Variants in MAPKAP1 observed in about 807,000 individuals in gnomAD.
MAPKAP1 encodes target of rapamycin complex 2 subunit MAPKAP1.
MAPKAP1 carries 20 observed loss-of-function variants against 65.7 expected under a neutral mutation model. The ratio of observed to expected loss-of-function variants is 0.30; its 90% CI spans 0.21 to 0.44. The LOEUF is 0.44. Ranked by LOEUF, MAPKAP1 falls within the 20% of genes least tolerant of loss-of-function variation. The pLI, the probability that MAPKAP1 is intolerant of heterozygous loss-of-function variation, is 1.00. For missense variants in MAPKAP1, 423 were observed against 648.0 expected (o/e 0.65, Z 3.77); for synonymous variants, 222 against 244.3 (o/e 0.91, Z 0.85).
At chr9:125,675,582 C>T (rs1834620245) in intron 1 of MAPKAP1, among the ~76,000 whole-genome samples, 1 of 152,190 alleles carries the variant, frequency 6.6e-6, no homozygotes, top group Non-Finnish European at 1.5e-5. Flanking sequence ...TCCCTACCAG[C>T]TCTGATATGG....
chr9:125,547,770 T>C (rs1830470437), intron 6 of MAPKAP1, among the ~76,000 whole-genome samples: 1 of 152,226 alleles, frequency 6.6e-6, no homozygotes, highest in Admixed American at 6.5e-5. Flanking sequence ...GAGTAGCCTG[T>C]GGCCCAAGCA....
chr9:125,635,782 T>A (rs563055192), intron 4 of MAPKAP1, among the ~76,000 whole-genome samples: 9 of 152,224 alleles, frequency 5.9e-5, no homozygotes, highest in African/African-American at 1.9e-4. Flanking sequence ...TAAGTCTTTA[T>A]ACAGAAATTT....
chr9:125,596,471 A>C (rs1314670236), intron 4 of MAPKAP1: 1 of 754,692 alleles, frequency 1.3e-6, no homozygotes, highest in African/African-American at 1.7e-5. Flanking sequence ...TACAACAATC[A>C]GTCTTCAAAT....
At chr9:125,468,316 G>C (rs1853759855) in intron 9 of MAPKAP1, among the ~76,000 whole-genome samples, 1 of 152,218 alleles carries the variant, frequency 6.6e-6, no homozygotes, top group Non-Finnish European at 1.5e-5. Flanking sequence ...TGGTTTCCTG[G>C]GTGGGTGAGT....
Position 125,447,815 on chromosome 9 carries a change from C to T in MAPKAP1, c.1346-3217G>A, listed in dbSNP as rs980530320. ...GTTTCTTGGGAGGAGCTGACACCTC[C>T]GCAGTTTTGGAGGAGGGCAGGGAGT... On this transcript the variant is annotated intron_variant, in intron 10 of 11. Coordinates refer to ENST00000265960, the MANE Select transcript of MAPKAP1 (RefSeq NM_001006617.3). The surrounding 1 kb of genome is among the most constrained non-coding windows in gnomAD (Gnocchi z 4.5). Among the ~76,000 whole-genome samples, 3 of 152,144 alleles carry T rather than the reference C, an allele frequency of 2.0e-5. No individual in the cohort carries two copies. Among genetic ancestry groups the T allele is most frequent in the African/African-American group, 7.2e-5 (3 of 41,436 alleles).
intron 4 of MAPKAP1, among the ~76,000 whole-genome samples, chr9:125,616,200 C>G (rs118186791): frequency 0.026 from 3,943 of 152,252 alleles, 81 homozygotes; most frequent in South Asian, 0.058. Flanking sequence ...AATCAGACCT[C>G]TACCTCACTA....
intron 1 of MAPKAP1, among the ~76,000 whole-genome samples, chr9:125,685,778 A>G (rs1044699561): frequency 3.9e-5 from 6 of 152,210 alleles, no homozygotes; most frequent in African/African-American, 1.4e-4. Flanking sequence ...ATGGCATTCA[A>G]TAAGAGCTCA....
intron 1 of MAPKAP1, among the ~76,000 whole-genome samples, chr9:125,697,724 C>T (rs1324575536): frequency 6.6e-6 from 1 of 152,176 alleles, no homozygotes; most frequent in African/African-American, 2.4e-5. Context: ...GCTCAAAAGG[C>T]ATGCATAACT....
At position 125,447,743 on chromosome 9, in the gene MAPKAP1, C is replaced by G. The variant is rs1480640730; in HGVS notation, c.1346-3145G>C. 6.6e-6 allele frequency among the ~76,000 whole-genome samples: 1 copy of G among 151,932 alleles called. No homozygotes were observed. Among genetic ancestry groups the G allele is most frequent in the Non-Finnish European group, 1.5e-5 (1 of 68,028 alleles). ...ACGCAGGGAGCTGCCGTGGAGACAC[C>G]AAGGCAGAAGCACCTGGCCAGAGGT... is the stretch of plus-strand genomic sequence containing the variant. On this transcript the variant is annotated intron_variant, in intron 10 of 11. Transcript: ENST00000265960. This position sits in a 1 kb window ranked among gnomAD's most constrained non-coding sequence, Gnocchi z 4.5.
chr9:125,443,895 G>A (rs1196655932), intron 11 of MAPKAP1, among the ~76,000 whole-genome samples: 1 of 152,062 alleles, frequency 6.6e-6, no homozygotes, highest in Non-Finnish European at 1.5e-5. Flanking sequence ...ACACCTTTGA[G>A]ACTAACGATC....
intron 7 of MAPKAP1, among the ~76,000 whole-genome samples, chr9:125,532,882 T>C (rs902251109): frequency 6.6e-6 from 1 of 152,258 alleles, no homozygotes; most frequent in African/African-American, 2.4e-5. Context: ...TAACTAAAAA[T>C]CTGTTTTTTA....
chr9:125,672,367 C>A lies in MAPKAP1; in HGVS notation c.208G>T (p.Val70Phe). The A allele has an allele frequency of 6.2e-7, 1 of 1,614,206 alleles. No homozygotes were observed. Among genetic ancestry groups the A allele is most frequent in the Non-Finnish European group, 8.5e-7 (1 of 1,180,026 alleles). ...ETQGYVYAQS[V>F]DITSSWDFGI... ...AAGTCCCAACTTGAGGTAATATCGACTGACTGGGCATATACATAGCCCTGA... is the reference window on the plus strand; with the variant it reads ...AAGTCCCAACTTGAGGTAATATCGAATGACTGGGCATATACATAGCCCTGA... Residue 70 changes from valine (V) to phenylalanine (F), a missense_variant, in exon 2 of 12, where the codon GTC (valine) becomes TTC (phenylalanine). Coordinates refer to ENST00000265960, the MANE Select transcript of MAPKAP1 (RefSeq NM_001006617.3).
intron 3 of MAPKAP1, among the ~76,000 whole-genome samples, chr9:125,669,480 C>CA (rs535951518): frequency 1.3e-5 from 2 of 151,592 alleles, no homozygotes; most frequent in African/African-American, 2.4e-5. Flanking sequence ...AACACTATCT[C>CA]AAAAAAAATA....
intron 8 of MAPKAP1, among the ~76,000 whole-genome samples, chr9:125,485,284 C>T (rs1854464169): frequency 6.6e-6 from 1 of 152,230 alleles, no homozygotes; most frequent in African/African-American, 2.4e-5. Flanking sequence ...TCTTCCTCTG[C>T]AGTCCAGCCG....
intron 4 of MAPKAP1, among the ~76,000 whole-genome samples, chr9:125,642,735 C>T (rs1252436915): frequency 1.3e-5 from 2 of 152,132 alleles, no homozygotes; most frequent in Non-Finnish European, 1.5e-5. Context: ...GTGTGCTTTT[C>T]CCTTTGCAAT....
chr9:125,625,274 A>T (rs2416966), intron 4 of MAPKAP1, among the ~76,000 whole-genome samples: 37,661 of 139,834 alleles, frequency 0.27, 7,181 homozygotes, highest in Middle Eastern at 0.39. Context: ...AAAAAAAAAA[A>T]AAAAAACAAG....
At chr9:125,524,727 A>T (rs186535215) in intron 7 of MAPKAP1, among the ~76,000 whole-genome samples, 131 of 152,288 alleles carry the variant, frequency 8.6e-4, no homozygotes, top group Non-Finnish European at 1.8e-3. Context: ...AATAACAGTA[A>T]ATCCAGCAGC....
intron 4 of MAPKAP1, among the ~76,000 whole-genome samples, chr9:125,611,683 G>GT (rs1265990336): frequency 6.6e-6 from 1 of 152,204 alleles, no homozygotes; most frequent in East Asian, 1.9e-4. Context: ...TGGAGCAGGT[G>GT]TAACTATTTG....
At chr9:125,660,094 A>C (rs753710306) in intron 3 of MAPKAP1, among the ~76,000 whole-genome samples, 1 of 151,986 alleles carries the variant, frequency 6.6e-6, no homozygotes, top group Non-Finnish European at 1.5e-5. Context: ...CCCTCTGCTG[A>C]TTCATCTCAT....
Sources: allele counts gnomAD v4.1 joint callset (sites outside exome capture counted in the v4.1 genomes callset), GRCh38; gene constraint gnomAD v4.1.1; non-coding constraint Gnocchi (gnomAD v3.1); transcripts MANE v1.5; gene names NCBI Gene and HGNC (gene_info 2026-07-23, HGNC 2026-07-21).